Variants in STK11 observed in about 807,000 individuals in gnomAD.
STK11 encodes serine/threonine-protein kinase STK11.
A neutral mutation model predicts 47.3 loss-of-function variants in STK11; 8 were observed. That is an observed-to-expected ratio of 0.17 (90% CI 0.10 to 0.31). The LOEUF is 0.31. Ranked by LOEUF, STK11 falls within the 10% of genes least tolerant of loss-of-function variation. The probability of loss-of-function intolerance (pLI) is 1.00; values close to 1 mark genes in which losing one functional copy is unlikely to be tolerated. For missense variants in STK11, 475 were observed against 605.0 expected, an observed-to-expected ratio of 0.79 and a Z score of 2.25; for synonymous variants, 330 against 255.8, an observed-to-expected ratio of 1.29 and a Z score of -2.77.
intron 8 of STK11, chr19:1,225,709 G>T (rs1289459149): frequency 2.0e-6 from 2 of 985,476 alleles, no homozygotes; most frequent in Non-Finnish European, 2.4e-6. Context: ...GGGCAGCCCG[G>T]GGCGGCCTCC....
chr19:1,206,302 GCCGGCGGGAGTCGGCGCCCCCCGGGAGGT>G lies in STK11; in HGVS notation c.-608_-580del. 1 of 224,640 alleles carries G rather than the reference GCCGGCGGGAGTCGGCGCCCCCCGGGAGGT, an allele frequency of 4.5e-6. No individual in the cohort carries two copies. Among genetic ancestry groups the G allele is most frequent in the Non-Finnish European group, 8.9e-6 (1 of 112,536 alleles). The allele number at this position is 224,640 out of a possible 1,614,324, so 13.9% of individuals were successfully genotyped here. A position where few individuals can be genotyped will look rare whatever the true frequency, so the allele number is the denominator to read the frequency against. On this transcript the variant is annotated 5_prime_UTR_variant, in exon 1 of 10. The change creates a premature stop within an existing upstream ORF in the 5' untranslated region. Coordinates refer to ENST00000326873, the MANE Select transcript of STK11 (RefSeq NM_000455.5). ...CCCAGCCCCCCGAACGCTCGCCCGGGCCGGCGGGAGTCGGCGCCCCCCGGGAGGTCCGCTCGGTCGTCCGCGGCGGAGCG... is the reference window on the plus strand; with the variant it reads ...CCCAGCCCCCCGAACGCTCGCCCGGGCCGCTCGGTCGTCCGCGGCGGAGCG...
chr19:1,222,645 CG>C (rs1457593125), intron 7 of STK11, among the ~76,000 whole-genome samples: 3 of 152,148 alleles, frequency 2.0e-5, no homozygotes, highest in African/African-American at 7.2e-5. Context: ...GGCTGCCCCC[CG>C]ATAGCCTCCT....
At position 1,228,391 on chromosome 19, in the gene STK11, C is replaced by T. The variant is rs1191190112; in HGVS notation, c.*815C>T. On this transcript the variant is annotated 3_prime_UTR_variant, in exon 10 of 10. Coordinates refer to ENST00000326873, the MANE Select transcript of STK11 (RefSeq NM_000455.5). ...CTCGGAGGGTGCCGTGCGGGCGAGG[C>T]CGCCCAAATTTGGCAATAAATAAAG... 3 of 229,996 alleles carry T rather than the reference C, an allele frequency of 1.3e-5. No homozygotes were observed. The highest frequency in any genetic ancestry group is 2.2e-5 in the African/African-American group (1 of 45,074). 14.2% of individuals were successfully genotyped at this position (229,996 alleles called of 1,614,324 possible).
At chr19:1,210,296 T>G (rs1215524944) in intron 1 of STK11, among the ~76,000 whole-genome samples, 2 of 152,138 alleles carry the variant, frequency 1.3e-5, no homozygotes, top group Non-Finnish European at 2.9e-5. Context: ...GGAAAAAGCC[T>G]CCTTTGTGTG....
intron 1 of STK11, among the ~76,000 whole-genome samples, chr19:1,213,612 G>C (rs2080726463): frequency 6.6e-6 from 1 of 152,226 alleles, no homozygotes; most frequent in Non-Finnish European, 1.5e-5. Flanking sequence ...CCTCTCTGCT[G>C]TTCACGGCTG....
In STK11 at chr19:1,222,954, GAC is replaced by G. The variant is rs1568711791; in HGVS notation, c.921-29_921-28del. The G allele has an allele frequency of 6.6e-7, 1 of 1,518,998 alleles. No individual in the cohort carries two copies. Among genetic ancestry groups the G allele is most frequent in the Non-Finnish European group, 8.9e-7 (1 of 1,128,386 alleles). The allele number at this position is 1,518,998 out of a possible 1,614,324, so 94.1% of individuals were successfully genotyped here. On this transcript the variant is annotated intron_variant, in intron 7 of 9. Transcript: ENST00000326873. Reference sequence around the variant, plus strand: ...AACTGGACCGCCCTGGTGCCAGCCTGACAGGCGCCACTGCTTCTGGGCGTTTG... The same window carrying G: ...AACTGGACCGCCCTGGTGCCAGCCTGAGGCGCCACTGCTTCTGGGCGTTTG...
rs923919295 is a variant in STK11, at chr19:1,219,054, C to T, written c.375-270C>T. Among the ~76,000 whole-genome samples, 8 of 152,130 alleles carry T rather than the reference C, an allele frequency of 5.3e-5. No homozygotes were observed. In the South Asian group the frequency reaches 6.2e-4, roughly 12 times the overall value. Reference sequence around the variant, plus strand: ...GGGGCGTCCAGGAGGCACCATCCCCCGCCCATGGGCAGGGTGGGGGACGTG... The same window carrying T: ...GGGGCGTCCAGGAGGCACCATCCCCTGCCCATGGGCAGGGTGGGGGACGTG... On this transcript the variant is annotated intron_variant, in intron 2 of 9. Transcript: ENST00000326873.
chr19:1,227,910 C>G lies in STK11; in HGVS notation c.*334C>G. 1 of 1,070,298 alleles carries G rather than the reference C, an allele frequency of 9.3e-7. No individual in the cohort carries two copies. Among genetic ancestry groups the G allele is most frequent in the Non-Finnish European group, 1.1e-6 (1 of 882,318 alleles). 66.3% of individuals were successfully genotyped at this position (1,070,298 alleles called of 1,614,324 possible). On this transcript the variant is annotated 3_prime_UTR_variant, in exon 10 of 10. Coordinates refer to ENST00000326873, the MANE Select transcript of STK11 (RefSeq NM_000455.5). Reference sequence around the variant, plus strand: ...GCCCCGCCCGTGGCCTCGTGCTCCGCAGGGCGCCCAGCGCCGTCCGGCGGC... The same window carrying G: ...GCCCCGCCCGTGGCCTCGTGCTCCGGAGGGCGCCCAGCGCCGTCCGGCGGC...
chr19:1,218,533 C>T (rs2080759509), intron 2 of STK11, 33 bp downstream of exon 2: 1 of 1,592,958 alleles, frequency 6.3e-7, no homozygotes, highest in African/African-American at 1.3e-5. Flanking sequence ...CGCGGGGCCT[C>T]CGTGGGAGGG....
intron 1 of STK11, among the ~76,000 whole-genome samples, chr19:1,213,210 G>A (rs1033459502): frequency 6.9e-6 from 1 of 145,904 alleles, no homozygotes; most frequent in East Asian, 2.1e-4. Flanking sequence ...TGTTAGCCAG[G>A]ATGGTCTCGA....
chr19:1,227,543 G>A (rs1568719534), intron 9 of STK11, 50 bp from the exon 10 acceptor site: 2 of 1,062,252 alleles, frequency 1.9e-6, no homozygotes, highest in Non-Finnish European at 2.3e-6. Flanking sequence ...CGCGGGAGGC[G>A]GAGAACCGGT....
At chr19:1,226,287 C>T (rs1329849570) in intron 8 of STK11, 167 bp from the exon 9 acceptor site, 2 of 1,445,694 alleles carry the variant, frequency 1.4e-6, no homozygotes, top group South Asian at 1.5e-5. Context: ...CCTCCCAGAG[C>T]TGCTGGGGGG....
rs553975112 is a variant in STK11, at chr19:1,221,203, C to G, written c.735-10C>G. The G allele has an allele frequency of 6.2e-7, 1 of 1,611,456 alleles. No individual in the cohort carries two copies. The highest frequency in any genetic ancestry group is 8.5e-7 in the Non-Finnish European group (1 of 1,178,772). ...TGACCACGCCTTTCTTCCCTCCCCT[C>G]GAAATGAAGCTACAACATCACCACG... is the stretch of plus-strand genomic sequence containing the variant. On this transcript the variant is annotated splice_polypyrimidine_tract_variant and intron_variant, in intron 5 of 9. Coordinates refer to ENST00000326873, the MANE Select transcript of STK11 (RefSeq NM_000455.5).
At chr19:1,218,351 T>G in intron 1 of STK11, 66 bp from the exon 2 acceptor site, 1 of 1,359,112 alleles carries the variant, frequency 7.4e-7, no homozygotes, top group South Asian at 1.2e-5. Flanking sequence ...GGAGGCCGAC[T>G]CCAGGGATCC....
chr19:1,220,345 C>G (rs775016904), intron 3 of STK11, 28 bp from the exon 4 acceptor site: 1 of 1,587,460 alleles, frequency 6.3e-7, no homozygotes. Flanking sequence ...GAGGCCTCGG[C>G]CCCAGGACGG....
intron 8 of STK11, chr19:1,225,189 C>T: frequency 1.0e-6 from 1 of 985,390 alleles, no homozygotes; most frequent in African/African-American, 1.7e-5. Context: ...GCACCTTGTC[C>T]ACAGGGTCTG....
chr19:1,209,440 G>A (rs1413565914), intron 1 of STK11, among the ~76,000 whole-genome samples: 1 of 152,048 alleles, frequency 6.6e-6, no homozygotes, highest in Non-Finnish European at 1.5e-5. Context: ...AAAGTTAGCC[G>A]AGTGTGGTGG....
intron 9 of STK11, chr19:1,226,911 TC>T: frequency 2.0e-6 from 1 of 501,450 alleles, no homozygotes; most frequent in Non-Finnish European, 3.4e-6. Flanking sequence ...GGGCGTGCCG[TC>T]CTCACAGCCA....
chr19:1,226,339 G>T lies in STK11; in HGVS notation c.1109-115G>T, dbSNP rs911363106. On this transcript the variant is annotated intron_variant, in intron 8 of 9. Coordinates refer to ENST00000326873, the MANE Select transcript of STK11 (RefSeq NM_000455.5). Reference sequence around the variant, plus strand: ...ATACACCTGGGCCTGACCCGGGGGCGGGCATGGCCTGGGCAGCAGCTGTAA... The same window carrying T: ...ATACACCTGGGCCTGACCCGGGGGCTGGCATGGCCTGGGCAGCAGCTGTAA... 1.4e-5 allele frequency: 21 copies of T among 1,503,320 alleles called. 1 individual carries two copies. The highest frequency in any genetic ancestry group is 2.4e-4 in the Middle Eastern group (1 of 4,184). The allele number at this position is 1,503,320 out of a possible 1,614,324, so 93.1% of individuals were successfully genotyped here.
Sources: allele counts gnomAD v4.1 joint callset (sites outside exome capture counted in the v4.1 genomes callset), GRCh38; gene constraint gnomAD v4.1.1; transcripts MANE v1.5; gene names NCBI Gene and HGNC (gene_info 2026-07-23, HGNC 2026-07-21).